RBMS1: variants seen among roughly 807,000 people sequenced by gnomAD.
RBMS1 encodes RNA binding motif single stranded interacting protein 1, also known as RNA-binding motif, single-stranded-interacting protein 1.
In RBMS1, 17 loss-of-function variants were observed where a neutral mutation model predicts 62.3. The ratio of observed to expected loss-of-function variants is 0.27; its 90% CI spans 0.19 to 0.41. RBMS1 has a LOEUF of 0.41. Among genes scored for constraint, RBMS1 ranks in the 10% least tolerant of loss-of-function variants. The probability of loss-of-function intolerance (pLI) is 1.00; values close to 1 mark genes in which losing one functional copy is unlikely to be tolerated. For missense variants in RBMS1, 334 were observed against 504.5 expected, an observed-to-expected ratio of 0.66 and a Z score of 3.24; for synonymous variants, 172 against 170.0, an observed-to-expected ratio of 1.01 and a Z score of -0.09.
At chr2:160,397,180 C>T (rs142244587) in intron 1 of RBMS1, among the ~76,000 whole-genome samples, 2 of 152,084 alleles carry the variant, frequency 1.3e-5, no homozygotes, top group African/African-American at 4.8e-5. Flanking sequence ...CTTGAGTCAT[C>T]CTTGCACTCA....
At chr2:160,382,608 A>G (rs543386327) in intron 1 of RBMS1, among the ~76,000 whole-genome samples, 60 of 152,308 alleles carry the variant, frequency 3.9e-4, no homozygotes, top group African/African-American at 1.4e-3. Flanking sequence ...GCCTTTGGTA[A>G]TGGCCACATC....
chr2:160,359,269 C>T (rs190268309), intron 2 of RBMS1, among the ~76,000 whole-genome samples: 30 of 152,196 alleles, frequency 2.0e-4, no homozygotes, highest in Non-Finnish European at 4.1e-4. Flanking sequence ...AGAATGATGC[C>T]GAATGCAGGC....
At chr2:160,491,743 C>G (rs1009863699) in intron 1 of RBMS1, among the ~76,000 whole-genome samples, 1 of 152,162 alleles carries the variant, frequency 6.6e-6, no homozygotes, top group Non-Finnish European at 1.5e-5. Context: ...TATAAGATAT[C>G]TAAAAGGTAG....
intron 6 of RBMS1, among the ~76,000 whole-genome samples, chr2:160,296,899 G>C (rs1381360521): frequency 6.6e-6 from 1 of 152,174 alleles, no homozygotes; most frequent in African/African-American, 2.4e-5. Context: ...ATGAGCACCA[G>C]TGTCTGCTCT....
At chr2:160,380,201 A>G (rs1217064336) in intron 1 of RBMS1, among the ~76,000 whole-genome samples, 1 of 152,190 alleles carries the variant, frequency 6.6e-6, no homozygotes, top group Non-Finnish European at 1.5e-5. Flanking sequence ...TATGAAGAAA[A>G]TGATGCCTAA....
chr2:160,468,094 T>G (rs1427256553), intron 1 of RBMS1, among the ~76,000 whole-genome samples: 1 of 152,126 alleles, frequency 6.6e-6, no homozygotes, highest in African/African-American at 2.4e-5. Context: ...CACTGAAACA[T>G]GCCATCAAAT....
intron 2 of RBMS1, among the ~76,000 whole-genome samples, chr2:160,330,093 T>C (rs973395881): frequency 2.0e-5 from 3 of 152,156 alleles, no homozygotes; most frequent in African/African-American, 7.2e-5. Context: ...ACTTTTGCTA[T>C]TTCTACTTTG....
At chr2:160,348,461 A>G (rs1692307504) in intron 2 of RBMS1, among the ~76,000 whole-genome samples, 1 of 152,152 alleles carries the variant, frequency 6.6e-6, no homozygotes, top group Admixed American at 6.6e-5. Context: ...ACAAAGAGAC[A>G]TACCCTAGAA....
At chr2:160,362,922 A>G (rs1355964755) in intron 2 of RBMS1, among the ~76,000 whole-genome samples, 1 of 152,190 alleles carries the variant, frequency 6.6e-6, no homozygotes. Flanking sequence ...AGCTTTCAAA[A>G]TCAAAATCTG....
chr2:160,304,032 A>C (rs935806768), intron 4 of RBMS1, among the ~76,000 whole-genome samples: 10 of 152,162 alleles, frequency 6.6e-5, no homozygotes, highest in Non-Finnish European at 1.0e-4. Flanking sequence ...CGAAAACAAG[A>C]AATAACAAAG....
chr2:160,406,963 T>C (rs1574016627), intron 1 of RBMS1, among the ~76,000 whole-genome samples: 1 of 152,204 alleles, frequency 6.6e-6, no homozygotes, highest in East Asian at 1.9e-4. Context: ...AAGTTCCTGT[T>C]TCTTTCTCTT....
chr2:160,326,600 T>C (rs971951681), intron 2 of RBMS1, among the ~76,000 whole-genome samples: 1 of 152,144 alleles, frequency 6.6e-6, no homozygotes, highest in African/African-American at 2.4e-5. Flanking sequence ...TTTGGAACTG[T>C]AGAATGAAAT....
At chr2:160,335,615 C>G (rs113114356) in intron 2 of RBMS1, among the ~76,000 whole-genome samples, 31 of 152,264 alleles carry the variant, frequency 2.0e-4, no homozygotes, top group African/African-American at 7.5e-4. Context: ...AACAGATTTT[C>G]GTAGAATCTT....
At chr2:160,391,799 G>A (rs972396776) in intron 1 of RBMS1, among the ~76,000 whole-genome samples, 84 of 152,138 alleles carry the variant, frequency 5.5e-4, no homozygotes, top group African/African-American at 1.9e-3. Context: ...CCAACATGGC[G>A]AAACCCTGTC....
chr2:160,299,028 C>T (rs558320789), intron 6 of RBMS1, among the ~76,000 whole-genome samples: 1 of 152,310 alleles, frequency 6.6e-6, no homozygotes, highest in South Asian at 2.1e-4. Context: ...TCTTGGACTT[C>T]TGGCCTCCAG....
chr2:160,273,730 CCCAACA>C lies in RBMS1; in HGVS notation c.*1036_*1041del, dbSNP rs1346679157. Reference sequence around the variant, plus strand: ...CCCCTCCCCCACCCCCATCCCCAACCCCAACACTACCTACACTAAATCTAGTACATC... The same window carrying C: ...CCCCTCCCCCACCCCCATCCCCAACCCTACCTACACTAAATCTAGTACATC... On this transcript the variant is annotated 3_prime_UTR_variant, in exon 14 of 14. Coordinates refer to ENST00000348849, the MANE Select transcript of RBMS1 (RefSeq NM_016836.4). 7.9e-5 allele frequency: 12 copies of C among 151,024 alleles called. No individual in the cohort carries two copies. The highest frequency in any genetic ancestry group is 7.3e-4 in the Admixed American group (11 of 15,146). 9.4% of individuals were successfully genotyped at this position (151,024 alleles called of 1,614,324 possible).
At chr2:160,373,641 T>C (rs1693849010) in intron 1 of RBMS1, among the ~76,000 whole-genome samples, 1 of 152,114 alleles carries the variant, frequency 6.6e-6, no homozygotes. Context: ...TATGGGTGTG[T>C]GAATATGAAG....
At chr2:160,341,614 C>A (rs2105994985) in intron 2 of RBMS1, among the ~76,000 whole-genome samples, 1 of 152,236 alleles carries the variant, frequency 6.6e-6, no homozygotes, top group East Asian at 1.9e-4. Context: ...GAAAATAAAT[C>A]TTAATTAGAC....
intron 1 of RBMS1, among the ~76,000 whole-genome samples, chr2:160,414,311 G>GTT (rs201776521): frequency 6.7e-6 from 1 of 149,890 alleles, no homozygotes; most frequent in East Asian, 2.0e-4. Flanking sequence ...TTGTTTTTTT[G>GTT]TTTTTTTTTC....
Sources: allele counts gnomAD v4.1 joint callset (sites outside exome capture counted in the v4.1 genomes callset), GRCh38; gene constraint gnomAD v4.1.1; transcripts MANE v1.5; gene names NCBI Gene and HGNC (gene_info 2026-07-23, HGNC 2026-07-21).